The following NFIX variants were observed in gnomAD, a reference collection of about 807,000 sequenced individuals.
NFIX encodes nuclear factor 1 X-type.
A neutral mutation model predicts 53.3 loss-of-function variants in NFIX; 2 were observed. That is an observed-to-expected ratio of 0.04 (90% CI 0.02 to 0.12). The LOEUF is 0.12. Among genes scored for constraint, NFIX ranks in the 10% least tolerant of loss-of-function variants. NFIX has a pLI of 1.00. For missense variants in NFIX, 310 were observed against 674.5 expected, an observed-to-expected ratio of 0.46 and a Z score of 5.99; for synonymous variants, 244 against 289.0, an observed-to-expected ratio of 0.84 and a Z score of 1.58.
intron 1 of NFIX, among the ~76,000 whole-genome samples, chr19:12,999,755 C>A (rs1437402542): frequency 6.6e-6 from 1 of 152,340 alleles, no homozygotes. Flanking sequence ...CTGGGGCTTC[C>A]CTGATGCCCC....
rs1292232225 is a variant in NFIX, at chr19:13,043,647, C to T, written c.559+18095C>T. On this transcript the variant is annotated intron_variant, in intron 2 of 10. Transcript: ENST00000592199. This position sits in a 1 kb window ranked among gnomAD's most constrained non-coding sequence, Gnocchi z 4.0. Reference sequence around the variant, plus strand: ...GGACTTTGACATCACTCATAGACACCCCCTCTCTCACCCTTGCATCCCAGA... The same window carrying T: ...GGACTTTGACATCACTCATAGACACTCCCTCTCTCACCCTTGCATCCCAGA... Among the ~76,000 whole-genome samples, 1 of 152,136 alleles carries T rather than the reference C, an allele frequency of 6.6e-6. No individual in the cohort carries two copies. The highest frequency in any genetic ancestry group is 2.4e-5 in the African/African-American group (1 of 41,416).
chr19:13,003,855 G>A (rs1268289735), intron 1 of NFIX, among the ~76,000 whole-genome samples: 1 of 152,138 alleles, frequency 6.6e-6, no homozygotes, highest in Non-Finnish European at 1.5e-5. Context: ...GCCCAGGCTG[G>A]TCTTGAATTC....
In NFIX at chr19:12,996,274, GAC is replaced by G. The variant is rs1357171648; in HGVS notation, c.27+412_27+413del. Among the ~76,000 whole-genome samples, 1 of 152,044 alleles carries G rather than the reference GAC, an allele frequency of 6.6e-6. No homozygotes were observed. The highest frequency in any genetic ancestry group is 1.5e-5 in the Non-Finnish European group (1 of 67,986). On this transcript the variant is annotated intron_variant, in intron 1 of 10. Coordinates refer to ENST00000592199, the MANE Select transcript of NFIX (RefSeq NM_001365902.3). This position sits in a 1 kb window ranked among gnomAD's most constrained non-coding sequence, Gnocchi z 5.2. Reference sequence around the variant, plus strand: ...GGTCGCTGGCAGTGTTTGCGGGGTTGACAGAGTGGCAAGAGGGTGGTCCCGAG... The same window carrying G: ...GGTCGCTGGCAGTGTTTGCGGGGTTGAGAGTGGCAAGAGGGTGGTCCCGAG...
intron 2 of NFIX, among the ~76,000 whole-genome samples, chr19:13,035,707 A>G (rs928036422): frequency 2.0e-5 from 3 of 152,174 alleles, no homozygotes; most frequent in Non-Finnish European, 1.5e-5. Flanking sequence ...GCCTGAGACA[A>G]CTTCACTTCG....
chr19:13,022,995 C>T lies in NFIX; in HGVS notation c.28-2026C>T, dbSNP rs2013029351. ...CCCCACCCTCCCTGCTCGCCCGGTT[C>T]CCTCCTCCCCTTGGACGCAGCCATT... On this transcript the variant is annotated intron_variant, in intron 1 of 10. Transcript: ENST00000592199. The surrounding 1 kb of genome is among the most constrained non-coding windows in gnomAD (Gnocchi z 4.5). 6.6e-6 allele frequency among the ~76,000 whole-genome samples: 1 copy of T among 152,020 alleles called. No individual in the cohort carries two copies. Among genetic ancestry groups the T allele is most frequent in the Non-Finnish European group, 1.5e-5 (1 of 68,002 alleles).
chr19:13,041,789 G>A (rs1043362698), intron 2 of NFIX, among the ~76,000 whole-genome samples: 4 of 126,388 alleles, frequency 3.2e-5, no homozygotes, highest in South Asian at 2.3e-4. Context: ...GCCAGACTCC[G>A]TCTCAAAAAA....
chr19:13,055,134 G>A (rs925500432), intron 2 of NFIX, among the ~76,000 whole-genome samples: 4 of 144,856 alleles, frequency 2.8e-5, no homozygotes, highest in African/African-American at 5.2e-5. Context: ...GAGACCTCCC[G>A]CCGGCTGTCA....
intron 8 of NFIX, among the ~76,000 whole-genome samples, chr19:13,084,735 T>C (rs16978877): frequency 1.2e-4 from 18 of 152,062 alleles, no homozygotes; most frequent in Admixed American, 4.6e-4. Context: ...CTTACCATCA[T>C]TGTCTGAACA....
At chr19:13,082,812 T>G (rs1257072259) in intron 8 of NFIX, among the ~76,000 whole-genome samples, 1 of 152,234 alleles carries the variant, frequency 6.6e-6, no homozygotes, top group African/African-American at 2.4e-5. Context: ...GGAAGCCTGC[T>G]GCGAGAGGTC....
rs537803686 is a variant in NFIX, at chr19:12,998,379, A to G, written c.27+2515A>G. On this transcript the variant is annotated intron_variant, in intron 1 of 10. Coordinates refer to ENST00000592199, the MANE Select transcript of NFIX (RefSeq NM_001365902.3). The surrounding 1 kb of genome is among the most constrained non-coding windows in gnomAD (Gnocchi z 4.4). ...AAACCAGAATTGGCTTCGATTTTAA[A>G]GTCAATAAATGATTGAGCAGGAACG... 2.6e-5 allele frequency among the ~76,000 whole-genome samples: 4 copies of G among 151,330 alleles called. No homozygotes were observed. The highest frequency in any genetic ancestry group is 2.0e-4 in the East Asian group (1 of 5,122).
rs2018085039 is a variant in NFIX at position 13,090,768 on chromosome 19, C to A, written c.1494+378C>A. Among the ~76,000 whole-genome samples, 1 of 152,196 alleles carries A rather than the reference C, an allele frequency of 6.6e-6. No individual in the cohort carries two copies. Among genetic ancestry groups the A allele is most frequent in the Non-Finnish European group, 1.5e-5 (1 of 68,026 alleles). ...CCTGCCCCGACTGGAAGCCCCGGCC[C>A]CTAGCCCTCCCCTTTCCCCTGGCGT... is the stretch of plus-strand genomic sequence containing the variant. On this transcript the variant is annotated intron_variant, in intron 10 of 10. Transcript: ENST00000592199. This position sits in a 1 kb window ranked among gnomAD's most constrained non-coding sequence, Gnocchi z 6.6.
At chr19:13,004,526 A>G (rs1384810127) in intron 1 of NFIX, among the ~76,000 whole-genome samples, 1 of 152,164 alleles carries the variant, frequency 6.6e-6, no homozygotes, top group Non-Finnish European at 1.5e-5. Context: ...GTGGTTGGAA[A>G]TGGTGCCTGA....
In NFIX at chr19:13,013,144, T is replaced by G. The variant is rs1347014427; in HGVS notation, c.28-11877T>G. On this transcript the variant is annotated intron_variant, in intron 1 of 10. Transcript: ENST00000592199. This position sits in a 1 kb window ranked among gnomAD's most constrained non-coding sequence, Gnocchi z 5.9. The stretch of plus-strand genomic sequence containing the variant: ...CGCCACCTTCCCTCTCAGGGCTGAT[T>G]TCTTGAATTTGGGGCGTCGAGGCCT... Among the ~76,000 whole-genome samples, 1 of 151,908 alleles carries G rather than the reference T, an allele frequency of 6.6e-6. No homozygotes were observed. The highest frequency in any genetic ancestry group is 1.5e-5 in the Non-Finnish European group (1 of 68,006).
Position 13,060,078 on chromosome 19 carries a change from G to A in NFIX, c.560-12969G>A, listed in dbSNP as rs750613882. Reference sequence around the variant, plus strand: ...GCTGAGATTACAGGCATGAGCCACCGCACCCGGCCAAGAGGAACGCTTTTG... The same window carrying A: ...GCTGAGATTACAGGCATGAGCCACCACACCCGGCCAAGAGGAACGCTTTTG... On this transcript the variant is annotated intron_variant, in intron 2 of 10. Coordinates refer to ENST00000592199, the MANE Select transcript of NFIX (RefSeq NM_001365902.3). The surrounding 1 kb of genome is among the most constrained non-coding windows in gnomAD (Gnocchi z 4.3). Among the ~76,000 whole-genome samples the A allele has an allele frequency of 2.5e-4, 38 of 152,148 alleles. No homozygotes were observed. Among genetic ancestry groups the A allele is most frequent in the Non-Finnish European group, 4.4e-4 (30 of 68,020 alleles).
At chr19:13,058,494 A>T (rs1568301537) in intron 2 of NFIX, among the ~76,000 whole-genome samples, 1 of 150,572 alleles carries the variant, frequency 6.6e-6, no homozygotes, top group East Asian at 2.0e-4. Context: ...TCTAATAGTT[A>T]AAAAGGGGTG....
chr19:13,023,569 G>T (rs147954040), intron 1 of NFIX, among the ~76,000 whole-genome samples: 1 of 149,588 alleles, frequency 6.7e-6, no homozygotes, highest in South Asian at 2.1e-4. Flanking sequence ...GGTGGGGTGC[G>T]TTGTTGGTTG....
rs543379264 is a variant in NFIX, at chr19:13,004,636, A to C, written c.27+8772A>C. ...AGCCACCCCAGCTTCTCAGGATAGAATTGGGAGCCCCAAATCCCTGCCCTG... is the reference window on the plus strand; with the variant it reads ...AGCCACCCCAGCTTCTCAGGATAGACTTGGGAGCCCCAAATCCCTGCCCTG... On this transcript the variant is annotated intron_variant, in intron 1 of 10. Transcript: ENST00000592199. 2.0e-5 allele frequency among the ~76,000 whole-genome samples: 3 copies of C among 152,160 alleles called. No individual in the cohort carries two copies. In the East Asian group the frequency reaches 5.8e-4, roughly 29 times the overall value.
At chr19:13,030,024 G>A (rs2013679132) in intron 2 of NFIX, among the ~76,000 whole-genome samples, 1 of 152,160 alleles carries the variant, frequency 6.6e-6, no homozygotes, top group African/African-American at 2.4e-5. Context: ...GTCCACAGGA[G>A]CACCCGCCGC....
rs77569445 is a variant in NFIX at position 13,021,401 on chromosome 19, G to T, written c.28-3620G>T. ...GGGCAGCCCCTCTCCCATTGTCAGG[G>T]TTCAGCGCCAGCCCAGGGCTGGATG... is the stretch of plus-strand genomic sequence containing the variant. On this transcript the variant is annotated intron_variant, in intron 1 of 10. Transcript: ENST00000592199. This position sits in a 1 kb window ranked among gnomAD's most constrained non-coding sequence, Gnocchi z 4.2. Among the ~76,000 whole-genome samples the T allele has an allele frequency of 0.086, 13,035 of 152,180 alleles. 719 individuals are homozygous for T. The highest frequency in any genetic ancestry group is 0.13 in the Non-Finnish European group (9,030 of 67,974).
Sources: gnomAD v4.1 joint callset for allele counts (sites outside exome capture counted in the v4.1 genomes callset) on GRCh38, gnomAD v4.1.1 for gene constraint, Gnocchi (gnomAD v3.1) non-coding constraint, MANE v1.5 for transcripts, NCBI Gene and HGNC (gene_info 2026-07-23, HGNC 2026-07-21) for gene names.